Variants in ZFAT observed in about 807,000 individuals in gnomAD.
ZFAT encodes the protein zinc finger protein ZFAT.
ZFAT carries 64 observed loss-of-function variants against 117.7 expected under a neutral mutation model. The observed-to-expected ratio is 0.54, with a 90% CI of 0.44 to 0.67. The LOEUF is 0.67. Among genes scored for constraint, ZFAT ranks in the 30% least tolerant of loss-of-function variants. The probability of loss-of-function intolerance (pLI) is 0.00; values close to 1 mark genes in which losing one functional copy is unlikely to be tolerated. For synonymous variants in ZFAT, 679 were observed against 615.0 expected (o/e 1.10, Z -1.54); for missense variants, 1,433 against 1,584.5 (o/e 0.90, Z 1.62).
At chr8:134,528,454 A>G (rs1260793490) in intron 12 of ZFAT, among the ~76,000 whole-genome samples, 1 of 152,228 alleles carries the variant, frequency 6.6e-6, no homozygotes, top group African/African-American at 2.4e-5. Context: ...CCTGTGGGTT[A>G]CCTCACAGTT....
chr8:134,478,505 C>G lies in ZFAT; in HGVS notation c.3709G>C (p.Glu1237Gln). ...CTCTAGAGTTCCTGGGCCGGCTGCT[C>G]CACAGCCTGCTCCTCCACAGGCTGC... ...AMQPVEEQAVEQPAQEL is the reference protein window; with the variant it reads ...AMQPVEEQAVQQPAQEL The change falls in exon 16 of 16, where the codon GAG (glutamate) becomes CAG (glutamine). Residue 1237 changes from glutamate (E) to glutamine (Q), a missense_variant. Coordinates refer to ENST00000377838, the MANE Select transcript of ZFAT (RefSeq NM_020863.4). The surrounding 1 kb of genome is among the most constrained non-coding windows in gnomAD (Gnocchi z 5.2). 3 of 1,579,206 alleles carry G rather than the reference C, an allele frequency of 1.9e-6. No homozygotes were observed. The South Asian group carries it at 3.5e-5, about 18-fold the overall frequency.
At chr8:134,648,154 C>A (rs1452847861) in intron 2 of ZFAT, among the ~76,000 whole-genome samples, 2 of 151,616 alleles carry the variant, frequency 1.3e-5, no homozygotes, top group Non-Finnish European at 2.9e-5. Context: ...TAAACTTACA[C>A]AATTTTGTCA....
chr8:134,751,208 A>G, the ZFAT span, among the ~76,000 whole-genome samples: 1 of 152,142 alleles, frequency 6.6e-6, no homozygotes, highest in Non-Finnish European at 1.5e-5. Context: ...TCCCACTCTA[A>G]GTGCTGAAAG....
intron 1 of ZFAT, among the ~76,000 whole-genome samples, chr8:134,667,447 C>T (rs1204037142): frequency 7.0e-6 from 1 of 143,288 alleles, no homozygotes; most frequent in Non-Finnish European, 1.5e-5. Context: ...GAGCTGGGAT[C>T]GCACCACTGC....
At chr8:134,553,228 C>T (rs116167792) in intron 11 of ZFAT, among the ~76,000 whole-genome samples, 2,176 of 152,204 alleles carry the variant, frequency 0.014, 53 homozygotes, top group African/African-American at 0.049. Flanking sequence ...GCTTCTCAGC[C>T]GGTGCAGTGA....
At chr8:134,733,691 T>G in the ZFAT span, among the ~76,000 whole-genome samples, 1 of 152,254 alleles carries the variant, frequency 6.6e-6, no homozygotes, top group African/African-American at 2.4e-5. Context: ...TGTCTCTTGA[T>G]TGTCCCTCTG....
the ZFAT span, among the ~76,000 whole-genome samples, chr8:134,719,429 G>C: frequency 2.0e-5 from 3 of 152,146 alleles, no homozygotes; most frequent in African/African-American, 7.2e-5. Flanking sequence ...AGCCCCTTTG[G>C]GGACCAAAGA....
chr8:134,621,556 A>G (rs1053131830), intron 3 of ZFAT, among the ~76,000 whole-genome samples: 1 of 152,162 alleles, frequency 6.6e-6, no homozygotes, highest in Non-Finnish European at 1.5e-5. Flanking sequence ...CCCCTTGTCC[A>G]TCAAGTTTTA....
At chr8:134,749,475 C>A in the ZFAT span, among the ~76,000 whole-genome samples, 1 of 152,148 alleles carries the variant, frequency 6.6e-6, no homozygotes, top group Non-Finnish European at 1.5e-5. Flanking sequence ...GGCAAGGGAG[C>A]TCAAGCCTCA....
At chr8:134,811,154 T>C in the ZFAT span, among the ~76,000 whole-genome samples, 1 of 152,196 alleles carries the variant, frequency 6.6e-6, no homozygotes, top group Non-Finnish European at 1.5e-5. Flanking sequence ...AGTATAAAAT[T>C]ATTAATTTCT....
intron 10 of ZFAT, among the ~76,000 whole-genome samples, chr8:134,569,281 T>C (rs1824705628): frequency 6.6e-6 from 1 of 152,106 alleles, no homozygotes; most frequent in African/African-American, 2.4e-5. Flanking sequence ...AAATATAAGC[T>C]TATTTGAAAA....
rs1586793984 is a variant in ZFAT at position 134,602,011 on chromosome 8, T to C, written c.1708A>G (p.Thr570Ala). The C allele has an allele frequency of 1.2e-6, 2 of 1,612,864 alleles. No individual in the cohort carries two copies. Among genetic ancestry groups the C allele is most frequent in the Non-Finnish European group, 1.7e-6 (2 of 1,179,794 alleles). The part of the protein sequence containing the change: ...VHLASPQAES[T>A]ALPPCELETT... ...TCCAGCTCACAGGGTGGCAGGGCTG[T>C]GCTTTCGGCCTGCGGGGAGGCCAGG... The change falls in exon 6 of 16, where the codon ACA becomes GCA. Residue 570 changes from threonine (T) to alanine (A), a missense_variant. By Grantham distance (58) the Thr-to-Ala change is moderately conservative (BLOSUM62 0). This residue lies in a region of ZFAT where 372 missense variants were observed against 355.6 expected (regional missense o/e 1.05). Coordinates refer to ENST00000377838, the MANE Select transcript of ZFAT (RefSeq NM_020863.4).
intron 1 of ZFAT, chr8:134,696,329 T>C: frequency 1.0e-6 from 1 of 961,112 alleles, no homozygotes; most frequent in Non-Finnish European, 1.2e-6. Flanking sequence ...CTGCCAGGAG[T>C]TGCTATAGGC....
At chr8:134,819,123 A>G in the ZFAT span, among the ~76,000 whole-genome samples, 1 of 152,222 alleles carries the variant, frequency 6.6e-6, no homozygotes, top group African/African-American at 2.4e-5. Context: ...AAGGACAATA[A>G]AAAGACTTAA....
the ZFAT span, among the ~76,000 whole-genome samples, chr8:134,798,652 C>T: frequency 6.6e-6 from 1 of 151,944 alleles, no homozygotes; most frequent in Non-Finnish European, 1.5e-5. Flanking sequence ...AATCTGATAG[C>T]CCACATGATC....
the ZFAT span, among the ~76,000 whole-genome samples, chr8:134,777,791 C>T: frequency 1.7e-4 from 26 of 152,284 alleles, no homozygotes; most frequent in East Asian, 5.0e-3. Context: ...TCTGAGTGCA[C>T]TAATATGACA....
Position 134,602,647 on chromosome 8 carries a change from A to G in ZFAT, c.1072T>C (p.Phe358Leu). The part of the protein sequence containing the change: ...VHKKIKQHCR[F>L]CKKKYSDVKN... ...ACGTCAGAGTACTTCTTCTTGCAGAAGCGGCAGTGCTGCTTGATCTTCTTG... is the reference window on the plus strand; with the variant it reads ...ACGTCAGAGTACTTCTTCTTGCAGAGGCGGCAGTGCTGCTTGATCTTCTTG... The change falls in exon 6 of 16, where the codon TTC becomes CTC. Residue 358 changes from phenylalanine to leucine, a missense_variant. Phe to Leu is a conservative substitution (Grantham distance 22). Coordinates refer to ENST00000377838, the MANE Select transcript of ZFAT (RefSeq NM_020863.4). The G allele has an allele frequency of 5.0e-6, 8 of 1,614,168 alleles. No individual in the cohort carries two copies. The highest frequency in any genetic ancestry group is 5.9e-6 in the Non-Finnish European group (7 of 1,180,034).
upstream of ZFAT, among the ~76,000 whole-genome samples, chr8:134,715,491 T>A (rs988333646): frequency 2.4e-4 from 36 of 152,238 alleles, no homozygotes; most frequent in African/African-American, 8.7e-4. Flanking sequence ...AATGGAGAGA[T>A]GAGTCCACAG....
chr8:134,610,413 C>T (rs1343114122), intron 4 of ZFAT, 57 bp downstream of exon 4: 9 of 1,549,284 alleles, frequency 5.8e-6, no homozygotes, highest in African/African-American at 1.4e-5. Flanking sequence ...ATCAGGCTGC[C>T]CTTGGCACAG....
Sources: gnomAD v4.1 joint callset for allele counts (sites outside exome capture counted in the v4.1 genomes callset) on GRCh38, gnomAD v4.1.1 for gene constraint, gnomAD v4.1.1 regional missense constraint, Gnocchi (gnomAD v3.1) non-coding constraint, MANE v1.5 for transcripts, NCBI Gene and HGNC (gene_info 2026-07-23, HGNC 2026-07-21) for gene names.